Variants in ESR2 observed in about 807,000 individuals in gnomAD.
ESR2 encodes the protein estrogen receptor 2.
A neutral mutation model predicts 49.6 loss-of-function variants in ESR2; 36 were observed. The observed-to-expected ratio is 0.73, with a 90% CI of 0.56 to 0.96. The LOEUF (loss-of-function observed/expected upper bound fraction) is 0.96. ESR2 is among the 40% of genes least tolerant of loss of function. The probability of loss-of-function intolerance (pLI) is 0.00; values close to 1 mark genes in which losing one functional copy is unlikely to be tolerated. For synonymous variants in ESR2, 320 were observed against 266.1 expected (o/e 1.20, Z -1.97); for missense variants, 714 against 693.0 (o/e 1.03, Z -0.34).
intron 1 of ESR2, among the ~76,000 whole-genome samples, chr14:64,313,542 AAAAG>A (rs1474543314): frequency 1.1e-4 from 16 of 150,640 alleles, no homozygotes; most frequent in Admixed American, 2.0e-4. Flanking sequence ...AAAAAAAAAA[AAAAG>A]AAAAGAAAAG....
At chr14:64,326,802 C>T (rs1373710326) in intron 1 of ESR2, among the ~76,000 whole-genome samples, 2 of 152,226 alleles carry the variant, frequency 1.3e-5, no homozygotes, top group Non-Finnish European at 2.9e-5. Flanking sequence ...CCTATTACCC[C>T]TATACCTTTC....
chr14:64,295,382 G>C (rs1433437160), upstream of ESR2, among the ~76,000 whole-genome samples: 2 of 152,150 alleles, frequency 1.3e-5, no homozygotes, highest in South Asian at 2.1e-4. Context: ...ATAGAGAGAC[G>C]CAAGTGTGCT....
Position 64,230,898 on chromosome 14 carries a change from ATTTTTTTTTTT to A in ESR2, c.*2228_*2238del. 1 of 110,676 alleles carries A rather than the reference ATTTTTTTTTTT, an allele frequency of 9.0e-6. No homozygotes were observed. Among genetic ancestry groups the A allele is most frequent in the African/African-American group, 3.7e-5 (1 of 27,136 alleles). The allele number at this position is 110,676 out of a possible 1,614,324, so 6.9% of individuals were successfully genotyped here. On this transcript the variant is annotated 3_prime_UTR_variant, in exon 9 of 9. Transcript: ENST00000341099. ...ATATATATATATATATTTCGTGGCA[ATTTTTTTTTTT>A]TTTTTTTTGAGACAGGGTCTCCCTC... is the stretch of plus-strand genomic sequence containing the variant.
In ESR2 at chr14:64,300,617, AGGTGT is replaced by A. The variant is rs1596473406; in HGVS notation, c.-90-17547_-90-17543del. On this transcript the variant is annotated intron_variant, in intron 1 of 8. Coordinates refer to the ESR2 transcript ENST00000358599. ...TCTACAAAAAATACAACAATTAACC[AGGTGT>A]GGTGGCACCTGTAGTCCCAGCTACT... Among the ~76,000 whole-genome samples the A allele has an allele frequency of 5.3e-5, 8 of 152,080 alleles. No individual in the cohort carries two copies. The East Asian group carries it at 1.2e-3, about 22-fold the overall frequency.
rs192706941 is a variant in ESR2, at chr14:64,251,760, G to C, written c.1092-2081C>G. 5.3e-5 allele frequency among the ~76,000 whole-genome samples: 8 copies of C among 152,194 alleles called. No individual in the cohort carries two copies. The East Asian group carries it at 1.4e-3, about 26-fold the overall frequency. On this transcript the variant is annotated intron_variant, in intron 6 of 8. Coordinates refer to ENST00000341099, the MANE Select transcript of ESR2 (RefSeq NM_001437.3). ...TGTGACAGTCAACCATTTCATTCAA[G>C]GGGTGGCAAAGTTAGAATATTTTTA...
intron 6 of ESR2, among the ~76,000 whole-genome samples, chr14:64,255,046 C>T (rs2076070777): frequency 6.6e-6 from 1 of 151,714 alleles, no homozygotes; most frequent in African/African-American, 2.4e-5. Flanking sequence ...GATTTGTGTC[C>T]ACTTATAGTA....
At chr14:64,255,711 A>G (rs560642231) in intron 6 of ESR2, among the ~76,000 whole-genome samples, 1 of 152,246 alleles carries the variant, frequency 6.6e-6, no homozygotes, top group Non-Finnish European at 1.5e-5. Flanking sequence ...ATGTGTTGAC[A>G]TAAGTTAAAT....
intron 1 of ESR2, among the ~76,000 whole-genome samples, chr14:64,332,873 CTTT>C (rs150273193): frequency 4.7e-5 from 6 of 128,676 alleles, no homozygotes; most frequent in African/African-American, 8.4e-5. Context: ...AATCACAAAT[CTTT>C]TTTTTTTTTT....
intron 6 of ESR2, among the ~76,000 whole-genome samples, chr14:64,256,737 A>G (rs2076103996): frequency 6.6e-6 from 1 of 152,130 alleles, no homozygotes; most frequent in African/African-American, 2.4e-5. Flanking sequence ...TCAGAAAAAA[A>G]ACAAAAAACA....
At chr14:64,282,565 C>T in intron 2 of ESR2, 59 bp downstream of exon 2, 1 of 1,505,540 alleles carries the variant, frequency 6.6e-7, no homozygotes, top group Non-Finnish European at 9.0e-7. Context: ...TCTCACTCAA[C>T]CATAAAGTGA....
intron 7 of ESR2, among the ~76,000 whole-genome samples, chr14:64,245,958 A>G (rs536272493): frequency 6.6e-6 from 1 of 152,352 alleles, no homozygotes; most frequent in South Asian, 2.1e-4. Context: ...TCCCTTTGAC[A>G]GAAATGGCAG....
intron 4 of ESR2, among the ~76,000 whole-genome samples, chr14:64,265,022 G>A (rs752421701): frequency 1.5e-4 from 23 of 151,866 alleles, no homozygotes; most frequent in South Asian, 4.2e-4. Context: ...GAATTCATAC[G>A]TTCAAATTTA....
chr14:64,287,918 TAA>T (rs986533791), intron 1 of ESR2, among the ~76,000 whole-genome samples: 2 of 152,248 alleles, frequency 1.3e-5, no homozygotes, highest in Admixed American at 1.3e-4. Context: ...AAATTGTCTC[TAA>T]AGAGTTTAAT....
chr14:64,257,079 T>C, intron 6 of ESR2, 147 bp downstream of exon 6: 1 of 738,044 alleles, frequency 1.4e-6, no homozygotes. Flanking sequence ...CTTCTCTGGT[T>C]CTTGACCCAG....
Position 64,257,267 on chromosome 14 carries a change from G to T in ESR2, c.1050C>A (p.His350Gln), listed in dbSNP as rs1467672298. The T allele has an allele frequency of 1.2e-6, 2 of 1,614,052 alleles. No homozygotes were observed. The highest frequency in any genetic ancestry group is 1.3e-5 in the African/African-American group (1 of 74,910). Residue 350 changes from histidine (H) to glutamine (Q), a missense_variant, in exon 6 of 9, where the codon CAC becomes CAA. His to Gln is a conservative substitution (Grantham distance 24). Coordinates refer to ENST00000341099, the MANE Select transcript of ESR2 (RefSeq NM_001437.3). Reference sequence around the variant, plus strand: ...CTGGAGCAAAGATGAGCTTGCCGGGGTGGTCAATTGAGCGCCACATCAGCC... The same window carrying T: ...CTGGAGCAAAGATGAGCTTGCCGGGTTGGTCAATTGAGCGCCACATCAGCC... The part of the protein sequence containing the change: ...MMGLMWRSID[H>Q]PGKLIFAPDL...
chr14:64,233,445 A>C, intron 8 of ESR2, 122 bp from the exon 9 acceptor site: 1 of 914,580 alleles, frequency 1.1e-6, no homozygotes, highest in Middle Eastern at 3.0e-4. Flanking sequence ...CTCTTCCCCC[A>C]GCCCATTTAT....
downstream of ESR2, chr14:64,227,796 C>T: frequency 1.9e-6 from 3 of 1,550,702 alleles, no homozygotes; most frequent in South Asian, 2.5e-5. Flanking sequence ...TCAGTGTATT[C>T]CCAAAACTCT....
rs151320811 is a variant in ESR2 at position 64,313,685 on chromosome 14, C to T, written c.-91+24213G>A. Among the ~76,000 whole-genome samples, 858 of 151,512 alleles carry T rather than the reference C, an allele frequency of 5.7e-3. 11 individuals carry two copies. The highest frequency in any genetic ancestry group is 0.02 in the African/African-American group (831 of 41,360). On this transcript the variant is annotated intron_variant, in intron 1 of 8. Transcript: ENST00000358599. ...CGGGTGGATCACAAGGTCAGGAGAT[C>T]GAGACCATCCTGGCACCCCACCTCT...
chr14:64,304,797 G>T lies in ESR2; in HGVS notation c.-90-21722C>A, dbSNP rs145471805. ...AGGCTGAGGTGGGAGGATGGCTTGA[G>T]CCCAGGAGTTTGAGGCTGCAGTGAG... On this transcript the variant is annotated intron_variant, in intron 1 of 8. Coordinates refer to the ESR2 transcript ENST00000358599. Among the ~76,000 whole-genome samples, 604 of 151,612 alleles carry T rather than the reference G, an allele frequency of 4.0e-3. 4 individuals are homozygous for T. Among genetic ancestry groups the T allele is most frequent in the Non-Finnish European group, 6.6e-3 (445 of 67,886 alleles).
Sources: allele counts gnomAD v4.1 joint callset (sites outside exome capture counted in the v4.1 genomes callset), GRCh38; gene constraint gnomAD v4.1.1; transcripts MANE v1.5; gene names NCBI Gene and HGNC (gene_info 2026-07-23, HGNC 2026-07-21).